WDR41: variants seen among roughly 807,000 people sequenced by gnomAD.
WDR41 encodes the protein WD repeat domain 41.
In WDR41, 63 loss-of-function variants were observed where a neutral mutation model predicts 69.3. That is an observed-to-expected ratio of 0.91 (90% confidence interval 0.74 to 1.12). WDR41 has a LOEUF of 1.12. WDR41 is among the 50% of genes most tolerant of loss of function. WDR41 has a pLI of 0.00. For synonymous variants in WDR41, 185 were observed against 192.1 expected, an observed-to-expected ratio of 0.96 and a Z score of 0.31; for missense variants, 543 against 534.5, an observed-to-expected ratio of 1.02 and a Z score of -0.16.
intron 1 of WDR41, among the ~76,000 whole-genome samples, chr5:77,560,828 C>T (rs1743509144): frequency 6.6e-6 from 1 of 152,120 alleles, no homozygotes; most frequent in Admixed American, 6.6e-5. Context: ...CTCAGGTTTT[C>T]CTAATTATGG....
intron 1 of WDR41, among the ~76,000 whole-genome samples, chr5:77,606,772 C>T (rs1365713087): frequency 2.0e-5 from 3 of 151,808 alleles, no homozygotes; most frequent in Non-Finnish European, 4.4e-5. Flanking sequence ...CACTGCATTC[C>T]AGCCTACATG....
intron 1 of WDR41, among the ~76,000 whole-genome samples, chr5:77,577,215 A>G (rs1250888246): frequency 6.6e-6 from 1 of 152,172 alleles, no homozygotes; most frequent in Non-Finnish European, 1.5e-5. Flanking sequence ...AAACTGGAAG[A>G]ATAAATTCAC....
chr5:77,600,585 A>C (rs1744304805), intron 1 of WDR41, among the ~76,000 whole-genome samples: 1 of 152,174 alleles, frequency 6.6e-6, no homozygotes, highest in Non-Finnish European at 1.5e-5. Flanking sequence ...CTATGTAAAA[A>C]TTTCACATAG....
chr5:77,433,185 T>G lies in WDR41; in HGVS notation c.1330A>C (p.Arg444=). ...GERESGLRSL[R]LFQKLEENGD... Reference sequence around the variant, plus strand: ...TTCTCCTCTAATTTTTGAAATAATCTTAAACTGCGCAATCCAGATTCTCGC... The same window carrying G: ...TTCTCCTCTAATTTTTGAAATAATCGTAAACTGCGCAATCCAGATTCTCGC... The change falls in exon 13 of 13, where the codon AGA becomes CGA. Residue 444 remains arginine (R), a synonymous_variant. Transcript: ENST00000296679. 6.2e-7 allele frequency: 1 copy of G among 1,613,598 alleles called. No homozygotes were observed. Among genetic ancestry groups the G allele is most frequent in the Non-Finnish European group, 8.5e-7 (1 of 1,179,722 alleles).
chr5:77,515,443 G>A (rs1436719440), intron 1 of WDR41, among the ~76,000 whole-genome samples: 1 of 151,966 alleles, frequency 6.6e-6, no homozygotes, highest in Non-Finnish European at 1.5e-5. Flanking sequence ...GCCTTTCCCT[G>A]GAAAATCTCC....
intron 4 of WDR41, 98 bp from the exon 5 acceptor site, chr5:77,459,222 AAAAT>A: frequency 1.2e-6 from 1 of 843,688 alleles, no homozygotes; most frequent in African/African-American, 1.8e-5. Context: ...AAGCAGTTAG[AAAAT>A]CTTTAAATCA....
chr5:77,500,681 A>G (rs1354554485), intron 1 of WDR41, among the ~76,000 whole-genome samples: 1 of 152,220 alleles, frequency 6.6e-6, no homozygotes, highest in Non-Finnish European at 1.5e-5. Flanking sequence ...TTGAATTCAT[A>G]GTTTAAAATG....
intron 1 of WDR41, among the ~76,000 whole-genome samples, chr5:77,532,071 C>T (rs1802535833): frequency 6.6e-6 from 1 of 151,942 alleles, no homozygotes; most frequent in Non-Finnish European, 1.5e-5. Flanking sequence ...TTGTGAATGT[C>T]ACTTTATTGT....
intron 8 of WDR41, 120 bp from the exon 9 acceptor site, chr5:77,441,117 T>G: frequency 4.1e-6 from 4 of 984,342 alleles, no homozygotes; most frequent in Admixed American, 3.3e-5. Context: ...GTGAGGTACC[T>G]AGGCAAGCCA....
chr5:77,583,578 A>G (rs1162817803), intron 1 of WDR41, among the ~76,000 whole-genome samples: 3 of 151,962 alleles, frequency 2.0e-5, no homozygotes, highest in African/African-American at 7.2e-5. Flanking sequence ...TTATATAGGT[A>G]CCCCATAAAT....
chr5:77,492,014 C>T (rs1801818866), intron 1 of WDR41, 156 bp downstream of exon 1: 1 of 957,420 alleles, frequency 1.0e-6, no homozygotes, highest in South Asian at 1.7e-5. Context: ...GCGCCCTCCG[C>T]CCCCACCGTC....
At chr5:77,579,335 C>A (rs994190447) in intron 1 of WDR41, among the ~76,000 whole-genome samples, 2 of 152,076 alleles carry the variant, frequency 1.3e-5, no homozygotes, top group Admixed American at 6.6e-5. Flanking sequence ...TCAAAGAGAT[C>A]TGTAAATAGA....
rs143282405 is a variant in WDR41, at chr5:77,576,075, T to A, written c.42+44404A>T. On this transcript the variant is annotated intron_variant, in intron 1 of 5. Transcript: ENST00000509971. The stretch of plus-strand genomic sequence containing the variant: ...TAGTTCTCTCCTGGATAACCTCTTA[T>A]CATGTTGTAATACTTCATAGCATGT... Among the ~76,000 whole-genome samples the A allele has an allele frequency of 3.3e-3, 495 of 152,274 alleles. 3 individuals carry two copies. Among genetic ancestry groups the A allele is most frequent in the African/African-American group, 0.011 (477 of 41,560 alleles).
chr5:77,475,913 A>C (rs1438091874), intron 2 of WDR41, among the ~76,000 whole-genome samples: 1 of 152,126 alleles, frequency 6.6e-6, no homozygotes, highest in Non-Finnish European at 1.5e-5. Flanking sequence ...AAAGAAGTTG[A>C]AAACTTTGAA....
At chr5:77,580,580 A>C (rs1743920037) in intron 1 of WDR41, among the ~76,000 whole-genome samples, 2 of 152,230 alleles carry the variant, frequency 1.3e-5, no homozygotes, top group Non-Finnish European at 2.9e-5. Flanking sequence ...AAAATCATGA[A>C]AGAAATGAAA....
At chr5:77,614,467 T>C (rs1184623726) in intron 1 of WDR41, among the ~76,000 whole-genome samples, 3 of 150,794 alleles carry the variant, frequency 2.0e-5, no homozygotes, top group Admixed American at 6.6e-5. Flanking sequence ...TATGCAGCCA[T>C]AAAAAATGAT....
chr5:77,549,060 G>A (rs1377987705), intron 1 of WDR41, among the ~76,000 whole-genome samples: 6 of 151,582 alleles, frequency 4.0e-5, no homozygotes, highest in South Asian at 2.1e-4. Context: ...GTATGTTCTC[G>A]CTTATAGTGG....
intron 5 of WDR41, 43 bp from the exon 6 acceptor site, chr5:77,453,971 G>T: frequency 6.8e-7 from 1 of 1,474,450 alleles, no homozygotes; most frequent in Non-Finnish European, 9.5e-7. Flanking sequence ...AGAAACTTAA[G>T]CAGTCATTGT....
chr5:77,618,249 A>G (rs1035241340), intron 1 of WDR41, among the ~76,000 whole-genome samples: 2 of 152,200 alleles, frequency 1.3e-5, no homozygotes, highest in Non-Finnish European at 2.9e-5. Flanking sequence ...CCAGGGCCTG[A>G]GAAATACTGA....
Sources: allele counts gnomAD v4.1 joint callset (sites outside exome capture counted in the v4.1 genomes callset), GRCh38; gene constraint gnomAD v4.1.1; transcripts MANE v1.5; gene names NCBI Gene and HGNC (gene_info 2026-07-23, HGNC 2026-07-21).